RANBP2: variants seen among roughly 807,000 people sequenced by gnomAD.
RANBP2 encodes RAN binding protein 2.
A neutral mutation model predicts 303.6 loss-of-function variants in RANBP2; 57 were observed. The ratio of observed to expected loss-of-function variants is 0.19; its 90% confidence interval spans 0.15 to 0.23. The LOEUF (loss-of-function observed/expected upper bound fraction) is 0.23. RANBP2 is among the 10% of genes least tolerant of loss of function. The pLI, the probability that RANBP2 is intolerant of heterozygous loss-of-function variation, is 1.00. For missense variants in RANBP2, 3,138 were observed against 3,780.8 expected, an observed-to-expected ratio of 0.83 and a Z score of 4.46; for synonymous variants, 1,167 against 1,301.5, an observed-to-expected ratio of 0.90 and a Z score of 2.23.
At chr2:109,199,582 T>TC in the RANBP2 span, among the ~76,000 whole-genome samples, 4 of 472 alleles carry the variant, frequency 8.5e-3, no homozygotes, top group Admixed American at 0.017. Flanking sequence ...TGGAATGGAA[T>TC]GGAATGGAAT....
At chr2:109,061,544 G>A in the RANBP2 span, among the ~76,000 whole-genome samples, 2 of 152,074 alleles carry the variant, frequency 1.3e-5, no homozygotes, top group Admixed American at 6.5e-5. Context: ...AGACACTGAG[G>A]TTTCCTACTA....
At chr2:109,549,015 C>T in the RANBP2 span, among the ~76,000 whole-genome samples, 11 of 152,070 alleles carry the variant, frequency 7.2e-5, no homozygotes, top group Non-Finnish European at 1.0e-4. Flanking sequence ...TGCTTTTATT[C>T]CAGAGGATGC....
chr2:109,467,856 C>T, the RANBP2 span, among the ~76,000 whole-genome samples: 1 of 152,170 alleles, frequency 6.6e-6, no homozygotes, highest in Non-Finnish European at 1.5e-5. Context: ...GAGCACCCTC[C>T]GCCGTCATTC....
At chr2:109,316,880 C>G in the RANBP2 span, among the ~76,000 whole-genome samples, 1 of 152,238 alleles carries the variant, frequency 6.6e-6, no homozygotes, top group Non-Finnish European at 1.5e-5. Context: ...TCCAGAACAT[C>G]ATACAGTTGG....
the RANBP2 span, among the ~76,000 whole-genome samples, chr2:109,571,840 A>G: frequency 1.3e-5 from 2 of 152,176 alleles, no homozygotes; most frequent in African/African-American, 4.8e-5. Context: ...TAGCTCTTCC[A>G]TTTATTCCTG....
the RANBP2 span, chr2:109,614,789 C>G: frequency 6.8e-7 from 1 of 1,474,232 alleles, no homozygotes. Flanking sequence ...TCCAGGTGAC[C>G]GCCGAGCCCG....
the RANBP2 span, among the ~76,000 whole-genome samples, chr2:109,271,036 A>G: frequency 1.3e-5 from 2 of 152,248 alleles, no homozygotes; most frequent in South Asian, 4.1e-4. Context: ...GTGCCTGGTG[A>G]TGTCCTGAGT....
At chr2:109,293,190 G>T in the RANBP2 span, among the ~76,000 whole-genome samples, 2 of 152,262 alleles carry the variant, frequency 1.3e-5, no homozygotes, top group Non-Finnish European at 1.5e-5. Flanking sequence ...ATGGTGCTGT[G>T]TGGGGCCCTG....
chr2:109,044,247 G>A, the RANBP2 span, among the ~76,000 whole-genome samples: 7 of 152,030 alleles, frequency 4.6e-5, no homozygotes, highest in East Asian at 3.9e-4. Context: ...AATACCGGGC[G>A]CGGTGGCTCA....
chr2:108,906,044 C>T, the RANBP2 span, among the ~76,000 whole-genome samples: 1 of 146,578 alleles, frequency 6.8e-6, no homozygotes, highest in Non-Finnish European at 1.5e-5. Context: ...CTGCGTTTCC[C>T]TACAGTGGGT....
intron 4 of RANBP2, 121 bp from the exon 5 acceptor site, chr2:108,735,411 G>T: frequency 6.4e-7 from 1 of 1,572,766 alleles, no homozygotes; most frequent in Admixed American, 1.7e-5. Flanking sequence ...TATATAGGAT[G>T]GTGTTTTTGG....
the RANBP2 span, among the ~76,000 whole-genome samples, chr2:109,361,140 G>A: frequency 5.9e-5 from 9 of 152,130 alleles, no homozygotes; most frequent in Admixed American, 1.3e-4. Flanking sequence ...TTGATTTTTA[G>A]ATGTTGAGCC....
the RANBP2 span, among the ~76,000 whole-genome samples, chr2:109,358,499 AT>A: frequency 6.6e-6 from 1 of 152,180 alleles, no homozygotes; most frequent in African/African-American, 2.4e-5. Flanking sequence ...TTGCTGGGCC[AT>A]TTTGCATTTC....
the RANBP2 span, among the ~76,000 whole-genome samples, chr2:109,644,617 A>C: frequency 6.6e-6 from 1 of 152,236 alleles, no homozygotes; most frequent in South Asian, 2.1e-4. Flanking sequence ...CTTTTGTAGT[A>C]ACCACATTCA....
chr2:108,885,395 ACTT>A, the RANBP2 span: 19 of 152,298 alleles, frequency 1.2e-4, no homozygotes, highest in Non-Finnish European at 2.5e-4. Flanking sequence ...AATGACTTTA[ACTT>A]CTTTGATACT....
the RANBP2 span, among the ~76,000 whole-genome samples, chr2:109,379,175 A>C: frequency 6.6e-6 from 1 of 152,230 alleles, no homozygotes; most frequent in East Asian, 1.9e-4. Context: ...TGTCTGGAGC[A>C]GGAGGGTAAA....
the RANBP2 span, among the ~76,000 whole-genome samples, chr2:109,230,441 A>G: frequency 6.6e-6 from 1 of 152,142 alleles, no homozygotes; most frequent in Non-Finnish European, 1.5e-5. Context: ...TTAGCTGGGC[A>G]TGATGGTGCA....
the RANBP2 span, among the ~76,000 whole-genome samples, chr2:109,387,324 GC>G: frequency 6.6e-6 from 1 of 152,126 alleles, no homozygotes; most frequent in Non-Finnish European, 1.5e-5. Context: ...GTGTCCCTGT[GC>G]TGCTGTAGAG....
chr2:109,401,155 G>C, the RANBP2 span, among the ~76,000 whole-genome samples: 1 of 152,162 alleles, frequency 6.6e-6, no homozygotes, highest in South Asian at 2.1e-4. Flanking sequence ...TGCTAAGACT[G>C]GGGGGAGCTC....
Sources: allele counts gnomAD v4.1 joint callset (sites outside exome capture counted in the v4.1 genomes callset), GRCh38; gene constraint gnomAD v4.1.1; transcripts MANE v1.5; gene names NCBI Gene and HGNC (gene_info 2026-07-23, HGNC 2026-07-21).